Variants in ZNF718 observed in about 807,000 individuals in gnomAD.
ZNF718 encodes zinc finger protein 718.
A neutral mutation model predicts 2.6 loss-of-function variants in ZNF718; 3 were observed. The ratio of observed to expected loss-of-function variants is 1.16; its 90% CI spans 0.53 to 3.01. ZNF718 has a LOEUF of 3.01. ZNF718 is among the 30% of genes most tolerant of loss of function. The pLI is 0.03. For missense variants in ZNF718, 468 were observed against 230.0 expected (o/e 2.03, Z -6.69); for synonymous variants, 135 against 77.9 (o/e 1.73, Z -3.86).
At chr4:143,722 T>G (rs1270731698) in intron 3 of ZNF718, among the ~76,000 whole-genome samples, 1 of 152,140 alleles carries the variant, frequency 6.6e-6, no homozygotes, top group Non-Finnish European at 1.5e-5. Context: ...TGCTCTTGCC[T>G]AGAGACCATC....
chr4:181,479 G>T (rs954765565), intron 3 of ZNF718, among the ~76,000 whole-genome samples: 1 of 151,848 alleles, frequency 6.6e-6, no homozygotes, highest in Non-Finnish European at 1.5e-5. Flanking sequence ...TTTGAGTTAG[G>T]TGGTTCAGCT....
intron 3 of ZNF718, among the ~76,000 whole-genome samples, chr4:182,776 G>T (rs1278313329): frequency 3.3e-5 from 5 of 152,066 alleles, no homozygotes; most frequent in Non-Finnish European, 7.4e-5. Flanking sequence ...TTTTTCATAT[G>T]TTGGTTGGCC....
At chr4:124,946 G>A in intron 1 of ZNF718, 2 of 398,782 alleles carry the variant, frequency 5.0e-6, no homozygotes, top group South Asian at 5.5e-5. Flanking sequence ...GCGGCGGCCT[G>A]CGCGGTGCCG....
At chr4:166,596 G>A (rs1227265156), downstream of ZNF718, among the ~76,000 whole-genome samples, 7 of 152,164 alleles carry the variant, frequency 4.6e-5, no homozygotes, top group African/African-American at 1.7e-4. Context: ...TTCTCTGATG[G>A]CCAGTGATGA....
At chr4:173,292 T>C (rs531310875) in intron 3 of ZNF718, among the ~76,000 whole-genome samples, 12 of 152,194 alleles carry the variant, frequency 7.9e-5, no homozygotes, top group African/African-American at 2.6e-4. Flanking sequence ...ACAAGCAGTA[T>C]ACTCTGATTT....
At chr4:179,081 G>T (rs1453330220) in intron 3 of ZNF718, among the ~76,000 whole-genome samples, 7 of 152,156 alleles carry the variant, frequency 4.6e-5, no homozygotes, top group South Asian at 2.1e-4. Context: ...AAAGGGAAAG[G>T]TCCAAGTTCA....
At chr4:181,158 C>CTTTTTTT (rs782164295) in intron 3 of ZNF718, among the ~76,000 whole-genome samples, 4 of 51,088 alleles carry the variant, frequency 7.8e-5, no homozygotes, top group Non-Finnish European at 1.1e-4. Context: ...CAGTGCCCAG[C>CTTTTTTT]TTTTTTTTTT....
chr4:158,715 TG>T (rs200736159), intron 3 of ZNF718, among the ~76,000 whole-genome samples: 1,917 of 152,120 alleles, frequency 0.013, 45 homozygotes, highest in African/African-American at 0.043. Context: ...GGGGTTTTTT[TG>T]TTTGCTTTTA....
At chr4:188,474 T>C (rs1428189687) in intron 3 of ZNF718, among the ~76,000 whole-genome samples, 2 of 152,214 alleles carry the variant, frequency 1.3e-5, no homozygotes, top group African/African-American at 4.8e-5. Flanking sequence ...TCTTATCATA[T>C]GAGGTGCAGT....
In ZNF718 at chr4:171,217, G is replaced by A. The variant is rs186646077; in HGVS notation, c.227-29864G>A. Among the ~76,000 whole-genome samples, 361 of 152,112 alleles carry A rather than the reference G, an allele frequency of 2.4e-3. 1 individual carries two copies. The highest frequency in any genetic ancestry group is 3.0e-3 in the Non-Finnish European group (202 of 67,968). ...ATCGTTCCTCTGGAAGTTTTGTCTCGGAGTACCCAGCCATGTGAGGTGTCA... is the reference window on the plus strand; with the variant it reads ...ATCGTTCCTCTGGAAGTTTTGTCTCAGAGTACCCAGCCATGTGAGGTGTCA... On this transcript the variant is annotated intron_variant and NMD_transcript_variant, in intron 3 of 4. Coordinates refer to the ZNF718 transcript ENST00000642529.
At chr4:158,385 A>T (rs1261607166) in intron 3 of ZNF718, among the ~76,000 whole-genome samples, 1 of 151,946 alleles carries the variant, frequency 6.6e-6, no homozygotes, top group East Asian at 1.9e-4. Flanking sequence ...TAATTTGCTG[A>T]CAGAAAGGCT....
intron 3 of ZNF718, among the ~76,000 whole-genome samples, chr4:179,066 C>A (rs538036945): frequency 4.9e-4 from 74 of 152,228 alleles, no homozygotes; most frequent in African/African-American, 1.8e-3. Context: ...TCTTTGCATG[C>A]TATCAAAGGG....
chr4:159,117 A>G (rs535198204), intron 3 of ZNF718, among the ~76,000 whole-genome samples: 3 of 150,646 alleles, frequency 2.0e-5, no homozygotes, highest in Non-Finnish European at 4.4e-5. Flanking sequence ...GCTCACTGCA[A>G]CCTCTGCCTC....
intron 1 of ZNF718, among the ~76,000 whole-genome samples, chr4:125,453 T>C (rs1219202263): frequency 2.0e-5 from 3 of 152,206 alleles, no homozygotes; most frequent in African/African-American, 7.2e-5. Context: ...GGGTCAGCGC[T>C]GACTCTGGGT....
intron 3 of ZNF718, among the ~76,000 whole-genome samples, chr4:184,481 T>A (rs1560131264): frequency 6.6e-6 from 1 of 152,172 alleles, no homozygotes. Context: ...TTTTTTGTTG[T>A]TGTATCTCTG....
chr4:147,066 AT>A (rs1413407555), intron 3 of ZNF718, among the ~76,000 whole-genome samples: 1 of 152,016 alleles, frequency 6.6e-6, no homozygotes, highest in Admixed American at 6.6e-5. Flanking sequence ...CACACTCCAG[AT>A]TCAAGCGATT....
chr4:165,447 G>A (rs920225627), downstream of ZNF718, among the ~76,000 whole-genome samples: 2 of 152,156 alleles, frequency 1.3e-5, no homozygotes, highest in Admixed American at 6.6e-5. Context: ...CATATTGTAA[G>A]CATCATATGA....
At chr4:188,422 G>A (rs1553820689) in intron 3 of ZNF718, among the ~76,000 whole-genome samples, 1 of 152,210 alleles carries the variant, frequency 6.6e-6, no homozygotes, top group African/African-American at 2.4e-5. Context: ...TCTCAGTCAG[G>A]TGCTAGGCTG....
At chr4:138,812 T>G (rs1715686905) in intron 3 of ZNF718, among the ~76,000 whole-genome samples, 1 of 152,156 alleles carries the variant, frequency 6.6e-6, no homozygotes, top group Non-Finnish European at 1.5e-5. Flanking sequence ...ATCACCTGAC[T>G]TTTGGATAAA....
Sources: allele counts gnomAD v4.1 joint callset (sites outside exome capture counted in the v4.1 genomes callset), GRCh38; gene constraint gnomAD v4.1.1; transcripts MANE v1.5; gene names NCBI Gene and HGNC (gene_info 2026-07-23, HGNC 2026-07-21).